Variants in GPR39 observed in about 807,000 individuals in gnomAD.
GPR39 encodes G protein-coupled receptor 39, also known as zinc sensing receptor.
GPR39 carries 23 observed loss-of-function variants against 18.4 expected under a neutral mutation model. The observed-to-expected ratio is 1.25, with a 90% CI of 0.90 to 1.77. GPR39 has a LOEUF of 1.77. Among genes scored for constraint, GPR39 ranks in the 40% most tolerant of loss-of-function variants. The probability of loss-of-function intolerance (pLI) is 0.00; values close to 1 mark genes in which losing one functional copy is unlikely to be tolerated. For missense variants in GPR39, 647 were observed against 602.4 expected (o/e 1.07, Z -0.78); for synonymous variants, 280 against 257.9 (o/e 1.09, Z -0.82).
chr2:132,517,322 A>T (rs1229667317), intron 1 of GPR39, among the ~76,000 whole-genome samples: 1 of 152,144 alleles, frequency 6.6e-6, no homozygotes, highest in Admixed American at 6.5e-5. Flanking sequence ...GAAGGAAAGG[A>T]GGAAGAAACA....
At chr2:132,570,855 A>G (rs1680430051) in intron 1 of GPR39, among the ~76,000 whole-genome samples, 1 of 152,062 alleles carries the variant, frequency 6.6e-6, no homozygotes, top group African/African-American at 2.4e-5. Context: ...ATTCTGGGCC[A>G]CCCTAGGGAG....
At chr2:132,567,285 G>C (rs912271314) in intron 1 of GPR39, among the ~76,000 whole-genome samples, 5 of 152,088 alleles carry the variant, frequency 3.3e-5, no homozygotes, top group African/African-American at 9.7e-5. Context: ...TTGCACCACT[G>C]CACTCCAGCC....
intron 1 of GPR39, among the ~76,000 whole-genome samples, chr2:132,564,948 C>A (rs1464181477): frequency 4.0e-5 from 6 of 151,226 alleles, no homozygotes; most frequent in African/African-American, 1.5e-4. Flanking sequence ...TCTTGAGTAG[C>A]TGGGATTACA....
chr2:132,599,063 A>G (rs545854975), intron 1 of GPR39, among the ~76,000 whole-genome samples: 20 of 152,198 alleles, frequency 1.3e-4, no homozygotes, highest in African/African-American at 3.9e-4. Flanking sequence ...AACTGTTTTC[A>G]TGCCTGTGTG....
chr2:132,646,469 T>G lies in GPR39; in HGVS notation c.*863T>G, dbSNP rs932864845. ...TAGATGGTGAAAGAGACAGGCACTATTTCATTAGTTTTAACAAAACTGTTC... is the reference window on the plus strand; with the variant it reads ...TAGATGGTGAAAGAGACAGGCACTAGTTCATTAGTTTTAACAAAACTGTTC... On this transcript the variant is annotated 3_prime_UTR_variant, in exon 2 of 2. Transcript: ENST00000329321. 100 of 407,216 alleles carry G rather than the reference T, an allele frequency of 2.5e-4. No individual in the cohort carries two copies. Among genetic ancestry groups the G allele is most frequent in the Non-Finnish European group, 4.2e-4 (97 of 231,796 alleles). The allele number at this position is 407,216 out of a possible 1,614,324, so 25.2% of individuals were successfully genotyped here. A position where few individuals can be genotyped will look rare whatever the true frequency, so the allele number is the denominator to read the frequency against.
At chr2:132,552,388 C>T (rs1573662354) in intron 1 of GPR39, among the ~76,000 whole-genome samples, 1 of 152,104 alleles carries the variant, frequency 6.6e-6, no homozygotes, top group Non-Finnish European at 1.5e-5. Flanking sequence ...CTTGCTCTCA[C>T]TCTGCCTTGT....
At chr2:132,445,710 C>A (rs1001357209) in intron 1 of GPR39, among the ~76,000 whole-genome samples, 3 of 152,036 alleles carry the variant, frequency 2.0e-5, no homozygotes, top group African/African-American at 7.2e-5. Flanking sequence ...AATTTGTTCC[C>A]AGAGAACAAC....
intron 1 of GPR39, among the ~76,000 whole-genome samples, chr2:132,595,191 G>A (rs1317220589): frequency 6.6e-6 from 1 of 152,076 alleles, no homozygotes; most frequent in African/African-American, 2.4e-5. Flanking sequence ...TAGAGATGGG[G>A]GTTTCACCAT....
intron 1 of GPR39, among the ~76,000 whole-genome samples, chr2:132,583,312 G>A (rs537255422): frequency 1.3e-5 from 2 of 151,698 alleles, no homozygotes; most frequent in East Asian, 3.9e-4. Context: ...AACGTTTAAA[G>A]CTGCTAGACA....
intron 1 of GPR39, among the ~76,000 whole-genome samples, chr2:132,427,131 CATATATATATATATATATAT>C (rs199931479): frequency 0.047 from 3,816 of 80,782 alleles, 307 homozygotes; most frequent in African/African-American, 0.18. Context: ...TATATAGGTA[CATATATATATATATATATAT>C]ATATATATAT....
At position 132,624,916 on chromosome 2, in the gene GPR39, T is replaced by C. The variant is rs544701238; in HGVS notation, c.857-20185T>C. 1.4e-4 allele frequency among the ~76,000 whole-genome samples: 21 copies of C among 152,280 alleles called. No homozygotes were observed. In the South Asian group the frequency reaches 4.2e-3, roughly 30 times the overall value. On this transcript the variant is annotated intron_variant, in intron 1 of 1. Transcript: ENST00000329321. ...AGTGCATGTCTTTAGGTGGACATATTTTACCCTTTTCTCTTTGCATATACT... is the reference window on the plus strand; with the variant it reads ...AGTGCATGTCTTTAGGTGGACATATCTTACCCTTTTCTCTTTGCATATACT...
chr2:132,430,594 G>A (rs1309407987), intron 1 of GPR39, among the ~76,000 whole-genome samples: 1 of 152,148 alleles, frequency 6.6e-6, no homozygotes, highest in Non-Finnish European at 1.5e-5. Flanking sequence ...CATCAAGAAG[G>A]TATCAGCTTC....
At chr2:132,456,792 T>C (rs1187218708) in intron 1 of GPR39, among the ~76,000 whole-genome samples, 1 of 152,224 alleles carries the variant, frequency 6.6e-6, no homozygotes, top group Non-Finnish European at 1.5e-5. Context: ...TCTTTAAGCA[T>C]GTTGAATATT....
intron 1 of GPR39, among the ~76,000 whole-genome samples, chr2:132,503,552 G>T (rs1679083515): frequency 6.6e-6 from 1 of 152,220 alleles, no homozygotes; most frequent in Admixed American, 6.5e-5. Flanking sequence ...TTGGCCTCCA[G>T]CCAGGAGGTG....
At chr2:132,533,053 A>G (rs955885475) in intron 1 of GPR39, among the ~76,000 whole-genome samples, 8 of 152,074 alleles carry the variant, frequency 5.3e-5, no homozygotes, top group Non-Finnish European at 1.2e-4. Context: ...AGGAAGTCAA[A>G]TTGTCCCTGT....
At chr2:132,577,864 T>C (rs1558846018) in intron 1 of GPR39, among the ~76,000 whole-genome samples, 2 of 152,270 alleles carry the variant, frequency 1.3e-5, no homozygotes, top group East Asian at 3.9e-4. Flanking sequence ...CGTATGCCTT[T>C]TATTTCCCTT....
intron 1 of GPR39, among the ~76,000 whole-genome samples, chr2:132,606,651 C>T (rs1681142880): frequency 6.6e-6 from 1 of 152,210 alleles, no homozygotes; most frequent in South Asian, 2.1e-4. Flanking sequence ...TTTGCAGTAT[C>T]CTAAGGGCAG....
Position 132,552,847 on chromosome 2 carries a change from CACACATATATATATACATATATAT to C in GPR39, c.857-92236_857-92213del, listed in dbSNP as rs1256380622. ...GTATATATATACATATATATATATA[CACACATATATATATACATATATAT>C]ACACATATATATATACACACATATA... is the stretch of plus-strand genomic sequence containing the variant. On this transcript the variant is annotated intron_variant, in intron 1 of 1. Transcript: ENST00000329321. 5.8e-3 allele frequency among the ~76,000 whole-genome samples: 827 copies of C among 141,740 alleles called. 8 individuals are homozygous for C. The highest frequency in any genetic ancestry group is 0.021 in the African/African-American group (789 of 38,146). The allele number at this position is 141,740 out of a possible 152,430, so 93.0% of individuals were successfully genotyped here.
At chr2:132,619,585 A>G (rs1681398128) in intron 1 of GPR39, among the ~76,000 whole-genome samples, 1 of 152,078 alleles carries the variant, frequency 6.6e-6, no homozygotes, top group Non-Finnish European at 1.5e-5. Context: ...TTCTCCCCAG[A>G]GTGGGAGTTA....
Sources: gnomAD v4.1 joint callset for allele counts (sites outside exome capture counted in the v4.1 genomes callset) on GRCh38, gnomAD v4.1.1 for gene constraint, MANE v1.5 for transcripts, NCBI Gene and HGNC (gene_info 2026-07-23, HGNC 2026-07-21) for gene names.